NOL4: variants seen among roughly 807,000 people sequenced by gnomAD.
NOL4 encodes the protein cancer/testis antigen 125.
A neutral mutation model predicts 75.9 loss-of-function variants in NOL4; 17 were observed. The observed-to-expected ratio is 0.22, with a 90% CI of 0.15 to 0.34. NOL4 has a LOEUF of 0.34. Ranked by LOEUF, NOL4 falls within the 10% of genes least tolerant of loss-of-function variation. NOL4 has a pLI of 1.00. For synonymous variants in NOL4, 292 were observed against 289.9 expected, an observed-to-expected ratio of 1.01 and a Z score of -0.07; for missense variants, 614 against 793.5, an observed-to-expected ratio of 0.77 and a Z score of 2.72.
chr18:33,860,219 G>A (rs371545216), intron 10 of NOL4, among the ~76,000 whole-genome samples: 84 of 152,144 alleles, frequency 5.5e-4, no homozygotes, highest in African/African-American at 1.3e-3. Context: ...AAACACATGG[G>A]GATAATGGGA....
At chr18:34,157,459 G>C (rs1191271617) in intron 1 of NOL4, among the ~76,000 whole-genome samples, 1 of 152,086 alleles carries the variant, frequency 6.6e-6, no homozygotes, top group Non-Finnish European at 1.5e-5. Context: ...TGAGATGCCT[G>C]CAGGTAAGAT....
At chr18:34,192,635 T>G (rs1452938040) in intron 1 of NOL4, among the ~76,000 whole-genome samples, 1 of 152,226 alleles carries the variant, frequency 6.6e-6, no homozygotes, top group Non-Finnish European at 1.5e-5. Flanking sequence ...CAATAAATGG[T>G]ATTGGGACAA....
chr18:34,123,567 CTA>C (rs1336299171), intron 2 of NOL4, among the ~76,000 whole-genome samples: 16 of 140,682 alleles, frequency 1.1e-4, no homozygotes, highest in African/African-American at 4.0e-4. Context: ...ATATGGTTCT[CTA>C]TATATATATG....
At chr18:34,094,995 G>A (rs940708857) in intron 4 of NOL4, among the ~76,000 whole-genome samples, 2 of 152,038 alleles carry the variant, frequency 1.3e-5, no homozygotes, top group African/African-American at 2.4e-5. Flanking sequence ...TATTATTAAC[G>A]AACAAGACTA....
chr18:33,898,280 T>C (rs1308463443), intron 9 of NOL4, among the ~76,000 whole-genome samples: 1 of 152,184 alleles, frequency 6.6e-6, no homozygotes, highest in East Asian at 1.9e-4. Flanking sequence ...GGTAAAATAG[T>C]TGCATTGCTT....
chr18:33,904,398 G>A (rs1250011558), intron 9 of NOL4, among the ~76,000 whole-genome samples: 1 of 151,816 alleles, frequency 6.6e-6, no homozygotes, highest in East Asian at 1.9e-4. Context: ...GGCCAAGGGA[G>A]CCCCAGAAAA....
intron 6 of NOL4, among the ~76,000 whole-genome samples, chr18:33,978,888 C>A (rs919995653): frequency 1.3e-5 from 2 of 151,500 alleles, no homozygotes; most frequent in Non-Finnish European, 2.9e-5. Flanking sequence ...TAATTGAATC[C>A]ATTGATGTAG....
intron 1 of NOL4, among the ~76,000 whole-genome samples, chr18:34,203,715 T>TCACACACACACA (rs751513951): frequency 1.3e-4 from 8 of 59,534 alleles, no homozygotes; most frequent in Non-Finnish European, 2.6e-4. Flanking sequence ...TCTCTCTCTC[T>TCACACACACACA]CTCACACACA....
At chr18:34,072,829 C>T (rs960728282) in intron 5 of NOL4, among the ~76,000 whole-genome samples, 2 of 152,022 alleles carry the variant, frequency 1.3e-5, no homozygotes, top group African/African-American at 4.8e-5. Context: ...AAATTGAACA[C>T]CAACTTCTAA....
At chr18:34,119,173 A>G (rs2080001165) in intron 2 of NOL4, among the ~76,000 whole-genome samples, 2 of 152,226 alleles carry the variant, frequency 1.3e-5, no homozygotes. Context: ...GCCTGCCTAA[A>G]CAAATTTGTA....
intron 5 of NOL4, among the ~76,000 whole-genome samples, chr18:34,051,601 C>T (rs2076627470): frequency 6.6e-6 from 1 of 152,120 alleles, no homozygotes; most frequent in African/African-American, 2.4e-5. Flanking sequence ...GTAGTAGGTG[C>T]TGGGATACAA....
At chr18:34,051,920 C>T (rs1171015666) in intron 5 of NOL4, among the ~76,000 whole-genome samples, 1 of 151,740 alleles carries the variant, frequency 6.6e-6, no homozygotes, top group African/African-American at 2.4e-5. Flanking sequence ...TAAAAAGATA[C>T]ATTTAATGCA....
chr18:34,029,066 C>A (rs117866484), intron 5 of NOL4, among the ~76,000 whole-genome samples: 1 of 152,062 alleles, frequency 6.6e-6, no homozygotes, highest in Non-Finnish European at 1.5e-5. Flanking sequence ...TAGGGAGACA[C>A]GTAGAAACAG....
intron 6 of NOL4, among the ~76,000 whole-genome samples, chr18:33,984,833 A>G (rs2072302043): frequency 6.6e-6 from 1 of 152,118 alleles, no homozygotes; most frequent in South Asian, 2.1e-4. Flanking sequence ...ATACAAAACA[A>G]CAATAACACA....
intron 1 of NOL4, among the ~76,000 whole-genome samples, chr18:34,143,296 T>C (rs1374467432): frequency 1.3e-5 from 2 of 152,194 alleles, no homozygotes; most frequent in Non-Finnish European, 2.9e-5. Context: ...ACAGTACTGA[T>C]ATAAAAGATG....
chr18:33,854,423 G>A (rs1328993453), intron 10 of NOL4, among the ~76,000 whole-genome samples: 1 of 152,048 alleles, frequency 6.6e-6, no homozygotes, highest in Non-Finnish European at 1.5e-5. Context: ...CAGGACTTAG[G>A]TTCCATTTGT....
chr18:34,116,199 A>G (rs963738388), intron 2 of NOL4, among the ~76,000 whole-genome samples: 1 of 152,152 alleles, frequency 6.6e-6, no homozygotes, highest in Non-Finnish European at 1.5e-5. Context: ...ACAGCACAAC[A>G]TTAGTGATCC....
At chr18:34,160,751 ATG>A (rs924943986) in intron 1 of NOL4, among the ~76,000 whole-genome samples, 1 of 152,238 alleles carries the variant, frequency 6.6e-6, no homozygotes, top group African/African-American at 2.4e-5. Context: ...TATGTGTACA[ATG>A]TGTAATGATC....
chr18:34,003,388 A>C (rs1456270800), intron 6 of NOL4, among the ~76,000 whole-genome samples: 2 of 152,044 alleles, frequency 1.3e-5, no homozygotes, highest in Non-Finnish European at 2.9e-5. Context: ...CATATCGTAC[A>C]CCCTGAATAA....
Sources: gnomAD v4.1 joint callset for allele counts (sites outside exome capture counted in the v4.1 genomes callset) on GRCh38, gnomAD v4.1.1 for gene constraint, MANE v1.5 for transcripts, NCBI Gene and HGNC (gene_info 2026-07-23, HGNC 2026-07-21) for gene names.